The following MET variants were observed in gnomAD, a reference collection of about 807,000 sequenced individuals.
The protein encoded by MET is MET proto-oncogene, receptor tyrosine kinase.
Under a neutral mutation model 133.1 loss-of-function variants are expected in MET, and 48 were observed. The observed-to-expected ratio is 0.36, with a 90% confidence interval of 0.29 to 0.46. The LOEUF (loss-of-function observed/expected upper bound fraction) is 0.46, where lower values mean the gene tolerates loss of function less well. Among genes scored for constraint, MET ranks in the 20% least tolerant of loss-of-function variants. The probability of loss-of-function intolerance (pLI) is 1.00; values close to 1 mark genes in which losing one functional copy is unlikely to be tolerated. For missense variants in MET, 1,442 were observed against 1,695.9 expected (o/e 0.85, Z 2.63); for synonymous variants, 628 against 616.5 (o/e 1.02, Z -0.28).
At chr7:116,787,024 G>A (rs1314836783) in intron 19 of MET, among the ~76,000 whole-genome samples, 2 of 152,166 alleles carry the variant, frequency 1.3e-5, no homozygotes, top group African/African-American at 4.8e-5. Flanking sequence ...AGAATAAGAC[G>A]AGGTGACTGG....
At chr7:116,786,233 G>A (rs1795309232) in intron 19 of MET, among the ~76,000 whole-genome samples, 2 of 152,128 alleles carry the variant, frequency 1.3e-5, no homozygotes, top group South Asian at 4.1e-4. Context: ...ACTAATCCCA[G>A]CATGAATGCC....
chr7:116,758,751 C>G, intron 9 of MET, 131 bp downstream of exon 9: 1 of 864,078 alleles, frequency 1.2e-6, no homozygotes, highest in Non-Finnish European at 1.8e-6. Context: ...AGGCTTCTTT[C>G]CAATTCAGGA....
At chr7:116,767,437 T>C (rs1218041925) in intron 11 of MET, among the ~76,000 whole-genome samples, 1 of 152,256 alleles carries the variant, frequency 6.6e-6, no homozygotes, top group Non-Finnish European at 1.5e-5. Context: ...ACTAGAACTG[T>C]GTCTAACACA....
At chr7:116,698,905 C>A (rs1038933093) in intron 1 of MET, among the ~76,000 whole-genome samples, 166 bp from the exon 2 acceptor site, 5 of 152,176 alleles carry the variant, frequency 3.3e-5, no homozygotes, top group African/African-American at 1.2e-4. Flanking sequence ...TCATGTCCAA[C>A]CGCACAATGC....
intron 2 of MET, among the ~76,000 whole-genome samples, chr7:116,715,209 A>G (rs1229397624): frequency 6.6e-6 from 1 of 152,208 alleles, no homozygotes; most frequent in Admixed American, 6.5e-5. Flanking sequence ...AATTACCACA[A>G]ACTGGGTGGC....
At chr7:116,692,065 A>G (rs746854646) in intron 1 of MET, among the ~76,000 whole-genome samples, 6 of 152,238 alleles carry the variant, frequency 3.9e-5, no homozygotes, top group Non-Finnish European at 5.9e-5. Context: ...CAGGAAATGC[A>G]AATAATTTAA....
chr7:116,709,092 G>A (rs910236555), intron 2 of MET, among the ~76,000 whole-genome samples: 4 of 152,122 alleles, frequency 2.6e-5, no homozygotes, highest in Non-Finnish European at 5.9e-5. Context: ...GTGCTCACAA[G>A]GATATCATGA....
rs1339335868 is a variant in MET, at chr7:116,711,510, T to G, written c.1200+11226T>G. 2.0e-5 allele frequency among the ~76,000 whole-genome samples: 3 copies of G among 152,226 alleles called. No homozygotes were observed. The South Asian group carries it at 6.2e-4, about 31-fold the overall frequency. The stretch of plus-strand genomic sequence containing the variant: ...ATCTAATTCAGTCTTGTATTCCTTC[T>G]TCAAAATAAAGCCTGGTTTCATTCA... On this transcript the variant is annotated intron_variant, in intron 2 of 20. Transcript: ENST00000397752.
At chr7:116,775,804 G>C (rs1794975963) in intron 15 of MET, among the ~76,000 whole-genome samples, 1 of 152,152 alleles carries the variant, frequency 6.6e-6, no homozygotes, top group Non-Finnish European at 1.5e-5. Context: ...TGAGAACAGT[G>C]ACAAACTCTA....
intron 5 of MET, among the ~76,000 whole-genome samples, chr7:116,753,246 T>G (rs1212030329): frequency 6.6e-6 from 1 of 152,254 alleles, no homozygotes; most frequent in Non-Finnish European, 1.5e-5. Context: ...CACTTTTAGA[T>G]GTTCACAAGC....
intron 2 of MET, among the ~76,000 whole-genome samples, chr7:116,731,319 A>G (rs926245421): frequency 6.6e-6 from 1 of 152,226 alleles, no homozygotes; most frequent in African/African-American, 2.4e-5. Context: ...GTTGAAATTC[A>G]TCTCATCAGA....
intron 3 of MET, among the ~76,000 whole-genome samples, chr7:116,732,462 C>T (rs1159614215): frequency 6.6e-6 from 1 of 152,182 alleles, no homozygotes; most frequent in Admixed American, 6.5e-5. Context: ...TCCATTTCAA[C>T]TTACTGTGTT....
At chr7:116,701,192 G>T (rs1791563307) in intron 2 of MET, among the ~76,000 whole-genome samples, 1 of 152,110 alleles carries the variant, frequency 6.6e-6, no homozygotes, top group African/African-American at 2.4e-5. Flanking sequence ...GTTTATTGTG[G>T]CTTTGAGTTT....
At chr7:116,751,840 T>C (rs1793933016) in intron 5 of MET, among the ~76,000 whole-genome samples, 1 of 152,216 alleles carries the variant, frequency 6.6e-6, no homozygotes, top group Non-Finnish European at 1.5e-5. Flanking sequence ...GGTGGGCAGA[T>C]CACGAGGTCA....
In MET at chr7:116,771,611, A is replaced by T. The variant is rs2116992782; in HGVS notation, c.2844A>T (p.Leu948=). The T allele has an allele frequency of 6.2e-7, 1 of 1,613,934 alleles. No homozygotes were observed. The highest frequency in any genetic ancestry group is 1.1e-5 in the South Asian group (1 of 91,078). The change falls in exon 13 of 21, where the codon CTA becomes CTT. Residue 948 remains leucine, a synonymous_variant. Coordinates refer to ENST00000397752, the MANE Select transcript of MET (RefSeq NM_000245.4). ...CAATATCAACAGCACTGTTATTACT[A>T]CTTGGGTTTTTCCTGTGGCTGAAAA... The part of the protein sequence containing the change: ...VVSISTALLL[L]LGFFLWLKKR...
intron 15 of MET, among the ~76,000 whole-genome samples, chr7:116,776,485 A>G (rs1210058129): frequency 3.3e-5 from 5 of 152,218 alleles, no homozygotes; most frequent in Non-Finnish European, 7.3e-5. Context: ...CTAAAATGGC[A>G]ATTATTTCTC....
At chr7:116,731,562 AT>A in intron 2 of MET, 105 bp from the exon 3 acceptor site, 2 of 1,153,546 alleles carry the variant, frequency 1.7e-6, no homozygotes, top group Non-Finnish European at 2.6e-6. Context: ...TTGCATGATT[AT>A]CCTTGCCATT....
At chr7:116,731,256 C>T (rs1343804330) in intron 2 of MET, among the ~76,000 whole-genome samples, 1 of 152,180 alleles carries the variant, frequency 6.6e-6, no homozygotes, top group African/African-American at 2.4e-5. Flanking sequence ...CACAAAGGCA[C>T]ACATTTAAAA....
intron 2 of MET, among the ~76,000 whole-genome samples, chr7:116,729,992 C>T (rs1792939423): frequency 6.6e-6 from 1 of 152,194 alleles, no homozygotes; most frequent in Admixed American, 6.5e-5. Context: ...AGAAGTTTCA[C>T]ATTATCTTAT....
Sources: allele counts gnomAD v4.1 joint callset (sites outside exome capture counted in the v4.1 genomes callset), GRCh38; gene constraint gnomAD v4.1.1; transcripts MANE v1.5; gene names NCBI Gene and HGNC (gene_info 2026-07-23, HGNC 2026-07-21).